The following MCU variants were observed in gnomAD, a reference collection of about 807,000 sequenced individuals.
The protein encoded by MCU is calcium uniporter protein, mitochondrial.
In MCU, 12 loss-of-function variants were observed where a neutral mutation model predicts 45.2. The ratio of observed to expected loss-of-function variants is 0.27; its 90% confidence interval spans 0.17 to 0.43. The LOEUF (loss-of-function observed/expected upper bound fraction) is 0.43. MCU is among the 20% of genes least tolerant of loss of function. The pLI, the probability that MCU is intolerant of heterozygous loss-of-function variation, is 1.00. For missense variants in MCU, 324 were observed against 436.7 expected, an observed-to-expected ratio of 0.74 and a Z score of 2.30; for synonymous variants, 160 against 165.1, an observed-to-expected ratio of 0.97 and a Z score of 0.24.
At chr10:72,722,189 C>T (rs1285813560) in intron 1 of MCU, among the ~76,000 whole-genome samples, 2 of 151,672 alleles carry the variant, frequency 1.3e-5, no homozygotes, top group African/African-American at 4.8e-5. Context: ...AAGCTGTGGG[C>T]ACTTAAATCC....
At chr10:72,834,231 T>C (rs980975889) in intron 1 of MCU, 128 bp from the exon 2 acceptor site, 1 of 536,782 alleles carries the variant, frequency 1.9e-6, no homozygotes, top group Non-Finnish European at 3.2e-6. Flanking sequence ...TTATCTGTAT[T>C]TTTAAAGTTT....
chr10:72,783,728 G>T (rs1009702030), intron 1 of MCU, among the ~76,000 whole-genome samples: 1 of 152,174 alleles, frequency 6.6e-6, no homozygotes, highest in African/African-American at 2.4e-5. Flanking sequence ...CAAGAAAAAC[G>T]CATAGAGTGG....
intron 6 of MCU, among the ~76,000 whole-genome samples, chr10:72,882,396 C>A (rs546207358): frequency 6.6e-6 from 1 of 152,324 alleles, no homozygotes; most frequent in African/African-American, 2.4e-5. Context: ...TATTTCTCTT[C>A]TTTCAAAAGC....
intron 3 of MCU, 37 bp downstream of exon 3, chr10:72,859,384 T>C: frequency 6.4e-7 from 1 of 1,555,514 alleles, no homozygotes; most frequent in Non-Finnish European, 8.8e-7. Context: ...CATCTATCCC[T>C]CATTTCACCC....
chr10:72,760,871 A>G (rs1004383143), intron 1 of MCU, among the ~76,000 whole-genome samples: 1 of 151,844 alleles, frequency 6.6e-6, no homozygotes, highest in Admixed American at 6.6e-5. Context: ...TTTCATTCCT[A>G]TTCAATAGAC....
At chr10:72,719,795 T>G (rs1842997948) in intron 1 of MCU, among the ~76,000 whole-genome samples, 1 of 152,258 alleles carries the variant, frequency 6.6e-6, no homozygotes, top group Non-Finnish European at 1.5e-5. Flanking sequence ...AATTAAATTA[T>G]TATTGGCTAT....
At chr10:72,769,643 C>T (rs909782272) in intron 1 of MCU, among the ~76,000 whole-genome samples, 12 of 152,088 alleles carry the variant, frequency 7.9e-5, no homozygotes, top group Admixed American at 5.9e-4. Flanking sequence ...ACAATTCACC[C>T]ATTTAAAATG....
intron 2 of MCU, among the ~76,000 whole-genome samples, chr10:72,841,423 G>A (rs185681879): frequency 4.4e-4 from 67 of 152,048 alleles, no homozygotes; most frequent in Admixed American, 1.4e-3. Context: ...TCAGCCTCCC[G>A]AGTAGCCGGG....
chr10:72,794,791 G>A (rs1248030104), intron 1 of MCU, among the ~76,000 whole-genome samples: 1 of 152,130 alleles, frequency 6.6e-6, no homozygotes, highest in African/African-American at 2.4e-5. Context: ...GAGAGTATCT[G>A]TGAGGCCTGC....
chr10:72,706,542 C>CTTT (rs1251706679), intron 1 of MCU, among the ~76,000 whole-genome samples: 1 of 143,364 alleles, frequency 7.0e-6, no homozygotes, highest in Non-Finnish European at 1.5e-5. Flanking sequence ...AGTATCTTCT[C>CTTT]TTTTTTTTTT....
chr10:72,734,330 G>A (rs1255893739), intron 1 of MCU, among the ~76,000 whole-genome samples: 1 of 152,188 alleles, frequency 6.6e-6, no homozygotes, highest in African/African-American at 2.4e-5. Context: ...TGAGGTGTGT[G>A]TAGTCCAAAC....
chr10:72,811,659 G>A (rs192280634), intron 1 of MCU, among the ~76,000 whole-genome samples: 1 of 152,268 alleles, frequency 6.6e-6, no homozygotes, highest in East Asian at 1.9e-4. Context: ...ATTAAAATGT[G>A]TAAGTTGTCT....
At chr10:72,846,531 T>G (rs914531185) in intron 2 of MCU, among the ~76,000 whole-genome samples, 1 of 152,198 alleles carries the variant, frequency 6.6e-6, no homozygotes, top group Admixed American at 6.5e-5. Context: ...ACTGCAGCAG[T>G]TGTGGTCAAG....
intron 6 of MCU, among the ~76,000 whole-genome samples, chr10:72,876,822 CTTT>C (rs759872805): frequency 2.6e-5 from 4 of 151,980 alleles, no homozygotes; most frequent in Non-Finnish European, 5.9e-5. Flanking sequence ...ATTCCAGTTT[CTTT>C]TTTGTGTTCC....
chr10:72,723,993 A>G (rs1843062808), intron 1 of MCU, among the ~76,000 whole-genome samples: 1 of 152,232 alleles, frequency 6.6e-6, no homozygotes, highest in Non-Finnish European at 1.5e-5. Context: ...TTCTAAGGTC[A>G]TTGGAAAGCC....
intron 1 of MCU, among the ~76,000 whole-genome samples, chr10:72,699,644 T>C (rs1463186502): frequency 6.7e-6 from 1 of 149,928 alleles, no homozygotes; most frequent in African/African-American, 2.5e-5. Flanking sequence ...CATGCTGGAG[T>C]GCAGTGGCGC....
chr10:72,853,177 A>G (rs1048524340), intron 2 of MCU, among the ~76,000 whole-genome samples: 1 of 152,230 alleles, frequency 6.6e-6, no homozygotes, highest in Non-Finnish European at 1.5e-5. Flanking sequence ...AATTCAGTCA[A>G]TGAACAGACC....
chr10:72,826,809 A>G (rs1417522852), intron 1 of MCU, among the ~76,000 whole-genome samples: 1 of 152,108 alleles, frequency 6.6e-6, no homozygotes, highest in Non-Finnish European at 1.5e-5. Flanking sequence ...TAAATGGTGC[A>G]CTGTCCTGAG....
chr10:72,736,496 A>G (rs1167650003), intron 1 of MCU: 1 of 152,188 alleles, frequency 6.6e-6, no homozygotes, highest in African/African-American at 2.4e-5. Context: ...TGGTTCTGTT[A>G]TATCCCCCAG....
Sources: allele counts gnomAD v4.1 joint callset (sites outside exome capture counted in the v4.1 genomes callset), GRCh38; gene constraint gnomAD v4.1.1; transcripts MANE v1.5; gene names NCBI Gene and HGNC (gene_info 2026-07-23, HGNC 2026-07-21).